Variants in NUP210 observed in about 807,000 individuals in gnomAD.
NUP210 encodes the protein nucleoporin 210.
Under a neutral mutation model 196.0 loss-of-function variants are expected in NUP210, and 151 were observed. The observed-to-expected ratio is 0.77, with a 90% confidence interval of 0.67 to 0.88. The LOEUF is 0.88. Among genes scored for constraint, NUP210 ranks in the 40% least tolerant of loss-of-function variants. The pLI, the probability that NUP210 is intolerant of heterozygous loss-of-function variation, is 0.00. For synonymous variants in NUP210, 1,070 were observed against 1,052.7 expected (o/e 1.02, Z -0.32); for missense variants, 2,314 against 2,493.7 (o/e 0.93, Z 1.53).
chr3:13,407,488 G>A (rs1157005854), intron 1 of NUP210, among the ~76,000 whole-genome samples: 6 of 152,080 alleles, frequency 3.9e-5, no homozygotes, highest in Non-Finnish European at 8.8e-5. Context: ...CCAAAACAGA[G>A]TTATTGGCCC....
chr3:13,338,151 T>C (rs1697305995), intron 25 of NUP210, among the ~76,000 whole-genome samples: 1 of 152,196 alleles, frequency 6.6e-6, no homozygotes, highest in South Asian at 2.1e-4. Flanking sequence ...CCCAGTCCCC[T>C]GAGGCTGCTG....
rs1457300075 is a variant in NUP210 at position 13,340,396 on chromosome 3, G to C, written c.3229-98C>G. On this transcript the variant is annotated intron_variant, in intron 23 of 39. Transcript: ENST00000254508. The surrounding 1 kb of genome is among the most constrained non-coding windows in gnomAD (Gnocchi z 4.0). ...CATGTTTCATGAGAGGAAAACCTGG[G>C]ACATGGACATCACTTCTCTCTGAGC... 1 of 1,041,678 alleles carries C rather than the reference G, an allele frequency of 9.6e-7. No individual in the cohort carries two copies. The highest frequency in any genetic ancestry group is 1.5e-6 in the Non-Finnish European group (1 of 681,098). The allele number at this position is 1,041,678 out of a possible 1,614,324, so 64.5% of individuals were successfully genotyped here.
intron 2 of NUP210, among the ~76,000 whole-genome samples, 189 bp from the exon 3 acceptor site, chr3:13,397,677 G>A (rs1699708748): frequency 6.6e-6 from 1 of 152,196 alleles, no homozygotes; most frequent in South Asian, 2.1e-4. Context: ...AAAGGGCTGT[G>A]GGGGCCTTGT....
Position 13,378,916 on chromosome 3 carries a change from G to T in NUP210, c.1041C>A (p.Tyr347Ter), listed in dbSNP as rs1699013081. 3.1e-6 allele frequency: 5 copies of T among 1,612,120 alleles called. No individual in the cohort carries two copies. In the East Asian group the frequency reaches 8.9e-5, roughly 29 times the overall value. Residue 347 changes from tyrosine to a stop codon, truncating the protein, a stop_gained, in exon 8 of 40, where the codon TAC becomes TAA. Transcript: ENST00000254508. LOFTEE classifies it high-confidence loss of function. ...GCCCAGGAGGCCCACACTCACCTAG[G>T]TATCCAGGTTCGACCACGTAGATAG... ...NSTIYVVEPGYLGFTVHPGDR... is the reference protein window; with the variant it reads ...NSTIYVVEPG
intron 9 of NUP210, among the ~76,000 whole-genome samples, chr3:13,377,148 C>T (rs953024063): frequency 1.3e-5 from 2 of 152,122 alleles, no homozygotes; most frequent in Admixed American, 6.5e-5. Flanking sequence ...GAAAAGGGGG[C>T]GGGAGAGTGG....
At chr3:13,386,547 T>A in intron 5 of NUP210, 140 bp from the exon 6 acceptor site, 2 of 1,138,522 alleles carry the variant, frequency 1.8e-6, no homozygotes, top group Non-Finnish European at 2.5e-6. Flanking sequence ...TCCCAAATCC[T>A]CACTTTCAGA....
chr3:13,367,274 T>C (rs1698572186), intron 13 of NUP210, among the ~76,000 whole-genome samples: 2 of 151,088 alleles, frequency 1.3e-5, no homozygotes, highest in Non-Finnish European at 3.0e-5. Context: ...CCGTCTCTAT[T>C]AAAATACAGA....
At chr3:13,415,862 T>C (rs1299281939) in intron 1 of NUP210, among the ~76,000 whole-genome samples, 1 of 152,110 alleles carries the variant, frequency 6.6e-6, no homozygotes, top group Non-Finnish European at 1.5e-5. Context: ...CCCTCACCCT[T>C]AGTGCCCAAC....
Position 13,335,505 on chromosome 3 carries a change from C to T in NUP210, c.3792G>A (p.Ser1264=), listed in dbSNP as rs151178085. ...CTCTGGCCAGGCCATACAGCTGCCC[C>T]GATGTGGGGTCCACAGCCTTGACCA... ...RVVVKAVDPT[S]GQLYGLAREL... Residue 1264 remains serine (S), a synonymous_variant, in exon 28 of 40, where the codon TCG becomes TCA. Coordinates refer to ENST00000254508, the MANE Select transcript of NUP210 (RefSeq NM_024923.4). 7.4e-5 allele frequency: 119 copies of T among 1,613,978 alleles called. No homozygotes were observed. Among genetic ancestry groups the T allele is most frequent in the Middle Eastern group, 1.6e-4 (1 of 6,084 alleles).
intron 14 of NUP210, among the ~76,000 whole-genome samples, 198 bp from the exon 15 acceptor site, chr3:13,360,689 T>C (rs577587684): frequency 1.1e-4 from 17 of 152,260 alleles, no homozygotes; most frequent in East Asian, 9.7e-4. Context: ...GGGGTGTAGA[T>C]AGAATTAAGC....
At chr3:13,415,366 A>C (rs1393797076) in intron 1 of NUP210, among the ~76,000 whole-genome samples, 3 of 152,190 alleles carry the variant, frequency 2.0e-5, no homozygotes, top group African/African-American at 7.2e-5. Flanking sequence ...GCCCTCTCCC[A>C]GGCCCTGCGG....
At chr3:13,385,555 T>C (rs972732984) in intron 6 of NUP210, among the ~76,000 whole-genome samples, 1 of 152,192 alleles carries the variant, frequency 6.6e-6, no homozygotes. Flanking sequence ...AAGCCTCCAA[T>C]GAGAAACAGC....
Position 13,323,519 on chromosome 3 carries a change from G to A in NUP210, c.4645-87C>T, listed in dbSNP as rs1462286654. 6.9e-7 allele frequency: 1 copy of A among 1,457,598 alleles called. No homozygotes were observed. Among genetic ancestry groups the A allele is most frequent in the Non-Finnish European group, 9.4e-7 (1 of 1,058,624 alleles). The allele number at this position is 1,457,598 out of a possible 1,614,324, so 90.3% of individuals were successfully genotyped here. On this transcript the variant is annotated intron_variant, in intron 33 of 39. Transcript: ENST00000254508. The surrounding 1 kb of genome is among the most constrained non-coding windows in gnomAD (Gnocchi z 4.3). ...TTTCCACAACCTCACCCTGCAGTCT[G>A]TGACATAGTGTCACCCGTTTCACAG...
In NUP210 at chr3:13,323,402, C is replaced by T; in HGVS notation, c.4675G>A (p.Ala1559Thr). 8.7e-6 allele frequency: 14 copies of T among 1,614,120 alleles called. No homozygotes were observed. The highest frequency in any genetic ancestry group is 1.2e-5 in the Non-Finnish European group (14 of 1,180,000). Residue 1559 changes from alanine (A) to threonine (T), a missense_variant, in exon 34 of 40, where the codon GCC (alanine) becomes ACC (threonine). Coordinates refer to ENST00000254508, the MANE Select transcript of NUP210 (RefSeq NM_024923.4). The surrounding 1 kb of genome is among the most constrained non-coding windows in gnomAD (Gnocchi z 4.3). ...VVVSVPQRIM[A>T]RHLHPIQTSF... ...GTCTGGATGGGGTGGAGGTGACGGG[C>T]CATGATCCTCTGAGGGACGCTGACC...
intron 23 of NUP210, 89 bp downstream of exon 23, chr3:13,341,659 T>C: frequency 1.4e-6 from 2 of 1,448,882 alleles, no homozygotes; most frequent in South Asian, 2.6e-5. Context: ...ATGGCTTCTC[T>C]ACAGTAGCTT....
chr3:13,393,667 C>T (rs541558593), intron 3 of NUP210, among the ~76,000 whole-genome samples: 1 of 152,352 alleles, frequency 6.6e-6, no homozygotes, highest in Admixed American at 6.5e-5. Context: ...TCTGCCTTTC[C>T]AGGGCCTGCT....
At chr3:13,326,991 A>G (rs1696784127) in intron 32 of NUP210, among the ~76,000 whole-genome samples, 1 of 152,250 alleles carries the variant, frequency 6.6e-6, no homozygotes, top group Non-Finnish European at 1.5e-5. Flanking sequence ...CACTGACCAT[A>G]CATAATGCAT....
At chr3:13,367,405 C>T (rs962177675) in intron 13 of NUP210, among the ~76,000 whole-genome samples, 3 of 152,034 alleles carry the variant, frequency 2.0e-5, no homozygotes, top group African/African-American at 2.4e-5. Context: ...ATTGCACTCC[C>T]ACGTAGGCAA....
Position 13,403,733 on chromosome 3 carries a change from C to T in NUP210, c.168-3872G>A, listed in dbSNP as rs766850669. On this transcript the variant is annotated intron_variant, in intron 1 of 39. Transcript: ENST00000254508. ...TGTGACCTTCTTAAGAAAGTCCCTC[C>T]TCTCAGCACTGACGACAGAGCCTGG... 3.7e-4 allele frequency among the ~76,000 whole-genome samples: 56 copies of T among 152,158 alleles called. 1 individual carries two copies. Among genetic ancestry groups the T allele is most frequent in the Non-Finnish European group, 1.5e-5 (1 of 67,994 alleles).
Sources: allele counts gnomAD v4.1 joint callset (sites outside exome capture counted in the v4.1 genomes callset), GRCh38; gene constraint gnomAD v4.1.1; non-coding constraint Gnocchi (gnomAD v3.1); transcripts MANE v1.5; gene names NCBI Gene and HGNC (gene_info 2026-07-23, HGNC 2026-07-21).